The following TENM4 variants were observed in gnomAD, a reference collection of about 807,000 sequenced individuals.
TENM4 encodes teneurin-4.
TENM4 carries 82 observed loss-of-function variants against 243.3 expected under a neutral mutation model. The ratio of observed to expected loss-of-function variants is 0.34; its 90% CI spans 0.28 to 0.40. The LOEUF is 0.40. Among genes scored for constraint, TENM4 ranks in the 10% least tolerant of loss-of-function variants. The probability of loss-of-function intolerance (pLI) is 1.00; values close to 1 mark genes in which losing one functional copy is unlikely to be tolerated. For missense variants in TENM4, 3,138 were observed against 3,673.3 expected, an observed-to-expected ratio of 0.85 and a Z score of 3.77; for synonymous variants, 1,412 against 1,456.3, an observed-to-expected ratio of 0.97 and a Z score of 0.69.
At chr11:78,995,077 A>C (rs1021616444) in intron 6 of TENM4, among the ~76,000 whole-genome samples, 2 of 152,332 alleles carry the variant, frequency 1.3e-5, no homozygotes, top group South Asian at 2.1e-4. Context: ...AGGGAGATGG[A>C]CTTGGAAGTC....
chr11:79,318,494 G>A (rs1287086617), intron 1 of TENM4, among the ~76,000 whole-genome samples: 1 of 152,174 alleles, frequency 6.6e-6, no homozygotes, highest in Admixed American at 6.5e-5. Context: ...TTGATTTGTA[G>A]TGTTTGCTGA....
At chr11:79,350,617 T>C (rs1377991939) in intron 1 of TENM4, among the ~76,000 whole-genome samples, 1 of 142,036 alleles carries the variant, frequency 7.0e-6, no homozygotes, top group Non-Finnish European at 1.5e-5. Context: ...TTTTTTTTCC[T>C]TGGTAGAGAT....
chr11:78,754,218 G>C (rs1030126882), intron 19 of TENM4, among the ~76,000 whole-genome samples: 25 of 152,194 alleles, frequency 1.6e-4, no homozygotes, highest in Non-Finnish European at 2.8e-4. Context: ...GCAGAGCCAG[G>C]ATCTGAAGAC....
At chr11:79,034,130 T>C (rs966269224) in intron 6 of TENM4, among the ~76,000 whole-genome samples, 5 of 152,226 alleles carry the variant, frequency 3.3e-5, no homozygotes, top group African/African-American at 1.2e-4. Flanking sequence ...GAAAGCATTT[T>C]TGCAAACTGC....
rs964990852 is a variant in TENM4 at position 79,105,199 on chromosome 11, C to A, written c.-65-35190G>T. 2.0e-5 allele frequency among the ~76,000 whole-genome samples: 3 copies of A among 152,174 alleles called. No individual in the cohort carries two copies. In the East Asian group the frequency reaches 5.8e-4, roughly 29 times the overall value. ...AACATATTTAATAGTTGTTGTAAAA[C>A]AAATGAATATAATTTGGCTTCATTT... On this transcript the variant is annotated intron_variant, in intron 4 of 33. Coordinates refer to ENST00000278550, the MANE Select transcript of TENM4 (RefSeq NM_001098816.3).
At chr11:78,693,661 T>C (rs1392794869) in intron 28 of TENM4, among the ~76,000 whole-genome samples, 1 of 152,148 alleles carries the variant, frequency 6.6e-6, no homozygotes, top group Non-Finnish European at 1.5e-5. Context: ...CTCCCACTGA[T>C]TTTTCTTCAT....
At chr11:79,394,594 A>T (rs1464277772) in intron 1 of TENM4, among the ~76,000 whole-genome samples, 1 of 151,834 alleles carries the variant, frequency 6.6e-6, no homozygotes, top group Non-Finnish European at 1.5e-5. Flanking sequence ...GTGATAACGA[A>T]CTACTGAGAG....
chr11:78,776,750 C>T (rs558257002), intron 17 of TENM4, among the ~76,000 whole-genome samples: 39 of 152,248 alleles, frequency 2.6e-4, no homozygotes, highest in Non-Finnish European at 5.1e-4. Flanking sequence ...AACTAAAGTT[C>T]TGGTGATGAT....
At position 78,732,378 on chromosome 11, in the gene TENM4, A is replaced by G; in HGVS notation, c.3076T>C (p.Ser1026Pro). ...FARPNPVVSPSPLTSFASSCA... is the reference protein window; with the variant it reads ...FARPNPVVSPPPLTSFASSCA... ...GAGCTGGCGAAGGACGTCAGTGGGGATGGAGAGACGACTGGGTTGGGGCGG... is the reference window on the plus strand; with the variant it reads ...GAGCTGGCGAAGGACGTCAGTGGGGGTGGAGAGACGACTGGGTTGGGGCGG... The change falls in exon 21 of 34, where the codon TCC becomes CCC. Residue 1026 changes from serine (S) to proline (P), a missense_variant. Physicochemically the swap from Ser to Pro is moderately conservative, Grantham distance 74. Around this residue, in one of 2 missense-constraint regions of TENM4, gnomAD observed 2,467 missense variants for 3,059.1 expected, o/e 0.81. Transcript: ENST00000278550. The G allele has an allele frequency of 1.2e-6, 2 of 1,613,870 alleles. No homozygotes were observed. Among genetic ancestry groups the G allele is most frequent in the Non-Finnish European group, 1.7e-6 (2 of 1,179,850 alleles).
At chr11:78,685,752 C>A (rs555824042) in intron 29 of TENM4, among the ~76,000 whole-genome samples, 4 of 152,280 alleles carry the variant, frequency 2.6e-5, no homozygotes, top group African/African-American at 9.6e-5. Context: ...GCCTGAAGGA[C>A]AAGATGTCTG....
rs1192939676 is a variant in TENM4 at position 79,389,404 on chromosome 11, G to T, written c.-321+51105C>A. ...ACTCCTGGCCTCAAGCAATCCTTCT[G>T]CCTTGGCCTCCCAAAATGCTGGGAT... On this transcript the variant is annotated intron_variant, in intron 1 of 33. Transcript: ENST00000278550. Among the ~76,000 whole-genome samples the T allele has an allele frequency of 4.6e-5, 7 of 152,278 alleles. No homozygotes were observed. In the East Asian group the frequency reaches 1.4e-3, roughly 29 times the overall value.
intron 6 of TENM4, among the ~76,000 whole-genome samples, chr11:78,950,379 G>A (rs940660943): frequency 4.6e-5 from 7 of 151,990 alleles, no homozygotes; most frequent in African/African-American, 1.2e-4. Context: ...GTAGGGTATA[G>A]TGCAGGGCGG....
intron 2 of TENM4, among the ~76,000 whole-genome samples, chr11:79,287,623 G>A (rs1442679131): frequency 6.6e-6 from 1 of 152,120 alleles, no homozygotes; most frequent in Non-Finnish European, 1.5e-5. Flanking sequence ...GGTGCTTGAT[G>A]CATTATAATG....
chr11:78,794,513 G>A (rs1857123245), intron 15 of TENM4, among the ~76,000 whole-genome samples: 2 of 152,250 alleles, frequency 1.3e-5, no homozygotes, highest in Non-Finnish European at 1.5e-5. Flanking sequence ...AACTCACAAA[G>A]TACAAGAACT....
In TENM4 at chr11:79,088,446, C is replaced by T. The variant is rs117724788; in HGVS notation, c.-65-18437G>A. Among the ~76,000 whole-genome samples the T allele has an allele frequency of 8.5e-4, 129 of 152,326 alleles. 2 individuals carry two copies. In the East Asian group the frequency reaches 0.024, roughly 29 times the overall value. ...GTGCATAGCAGCCCAGACATTGGCT[C>T]TGCAGTCAGGAAGCCAAGGTTCGAC... On this transcript the variant is annotated intron_variant, in intron 4 of 33. Transcript: ENST00000278550.
At chr11:78,846,411 A>C (rs567192922) in intron 12 of TENM4, among the ~76,000 whole-genome samples, 4 of 152,326 alleles carry the variant, frequency 2.6e-5, no homozygotes, top group Admixed American at 2.6e-4. Flanking sequence ...GTGACAGTAC[A>C]TGCCTGCTCA....
At chr11:78,844,691 T>C (rs1287499308) in intron 12 of TENM4, among the ~76,000 whole-genome samples, 3 of 150,866 alleles carry the variant, frequency 2.0e-5, no homozygotes, top group Non-Finnish European at 4.4e-5. Flanking sequence ...CCTCCATATA[T>C]ACACAGAGAA....
chr11:79,033,244 C>G (rs1027504205), intron 6 of TENM4, among the ~76,000 whole-genome samples: 9 of 152,134 alleles, frequency 5.9e-5, no homozygotes, highest in African/African-American at 2.2e-4. Context: ...GACAGCCATA[C>G]AGCAGGTGCC....
chr11:79,287,880 G>A (rs1856285088), intron 2 of TENM4, among the ~76,000 whole-genome samples: 1 of 152,206 alleles, frequency 6.6e-6, no homozygotes, highest in South Asian at 2.1e-4. Context: ...TGGGGCCCAT[G>A]TCTGCTATTT....
Sources: gnomAD v4.1 joint callset for allele counts (sites outside exome capture counted in the v4.1 genomes callset) on GRCh38, gnomAD v4.1.1 for gene constraint, gnomAD v4.1.1 regional missense constraint, MANE v1.5 for transcripts, NCBI Gene and HGNC (gene_info 2026-07-23, HGNC 2026-07-21) for gene names.